XK: variants seen among roughly 807,000 people sequenced by gnomAD.
XK encodes the protein X-linked Kx blood group antigen, Kell and VPS13A binding protein.
A neutral mutation model predicts 14.0 loss-of-function variants in XK; 2 were observed. The observed-to-expected ratio is 0.14, with a 90% CI of 0.06 to 0.45. XK has a LOEUF of 0.45. XK is among the 20% of genes least tolerant of loss of function. XK has a pLI of 0.98. For missense variants in XK, 235 were observed against 341.5 expected (o/e 0.69, Z 2.46); for synonymous variants, 149 against 147.5 (o/e 1.01, Z -0.08).
chrX:37,697,956 G>A (rs557181430), intron 2 of XK, among the ~76,000 whole-genome samples: 2 of 111,912 alleles, frequency 1.8e-5, no homozygotes, highest in South Asian at 3.7e-4. Flanking sequence ...AGTGAATAAC[G>A]GACACTGTGT....
intron 2 of XK, among the ~76,000 whole-genome samples, chrX:37,720,952 G>T (rs1927858496): frequency 1.8e-5 from 2 of 110,996 alleles, no homozygotes; most frequent in South Asian, 3.7e-4. Context: ...CTTTACTATT[G>T]TAAATAGTGC....
intron 2 of XK, among the ~76,000 whole-genome samples, chrX:37,706,238 A>G (rs782791160): frequency 8.9e-6 from 1 of 111,988 alleles, no homozygotes; most frequent in Admixed American, 9.5e-5. Flanking sequence ...GTGACTGAGT[A>G]CATGAATGGT....
At chrX:37,688,051 CTTTCTTTCTTT>C (rs200668493) in intron 1 of XK, among the ~76,000 whole-genome samples, 1,705 of 63,574 alleles carry the variant, frequency 0.027, 37 homozygotes, top group African/African-American at 0.11. Context: ...TTCTTTCTTT[CTTTCTTTCTTT>C]TTTTTTTTTT....
At chrX:37,706,048 G>A (rs1927520833) in intron 2 of XK, among the ~76,000 whole-genome samples, 2 of 110,429 alleles carry the variant, frequency 1.8e-5, no homozygotes, top group Admixed American at 9.7e-5. Context: ...TCTAATATCT[G>A]TCTTTTTATA....
At chrX:37,698,588 TATAGTC>T (rs1242474177) in intron 2 of XK, among the ~76,000 whole-genome samples, 4 of 104,493 alleles carry the variant, frequency 3.8e-5, no homozygotes, top group African/African-American at 1.4e-4. Context: ...AAATTGTACT[TATAGTC>T]AGATAGAGGA....
Position 37,728,214 on chromosome X carries a change from A to G in XK, c.1087A>G (p.Ile363Val). 1.7e-6 allele frequency: 2 copies of G among 1,211,388 alleles called. No individual in the cohort carries two copies. Among genetic ancestry groups the G allele is most frequent in the Non-Finnish European group, 2.2e-6 (2 of 895,366 alleles). Reference protein sequence around the residue: ...LQLLIGYCTAILFMLVFYQFF... With the variant: ...LQLLIGYCTAVLFMLVFYQFF... ...GCTGCTCATTGGGTACTGCACAGCC[A>G]TTCTCTTCATGCTTGTATTCTATCA... The change falls in exon 3 of 3, where the codon ATT (isoleucine) becomes GTT (valine). Residue 363 changes from isoleucine to valine, a missense_variant. Transcript: ENST00000378616.
chrX:37,730,875 A>G lies in XK; in HGVS notation c.*2413A>G, dbSNP rs781888089. 1 of 111,999 alleles carries G rather than the reference A, an allele frequency of 8.9e-6. No individual in the cohort carries two copies. The highest frequency in any genetic ancestry group is 3.7e-4 in the South Asian group (1 of 2,709). The allele number at this position is 111,999 out of a possible 1,213,427, so 9.2% of individuals were successfully genotyped here. On this transcript the variant is annotated 3_prime_UTR_variant, in exon 3 of 3. Transcript: ENST00000378616. ...AACTAACAGTGCTGGTTTGTCCGAC[A>G]CCCAAAGCCCACTTCACACATTTAT... is the stretch of plus-strand genomic sequence containing the variant.
chrX:37,714,922 A>G (rs5963994), intron 2 of XK, among the ~76,000 whole-genome samples: 1,287 of 110,841 alleles, frequency 0.012, 22 homozygotes, highest in African/African-American at 0.041. Flanking sequence ...ACCACCAAAG[A>G]CTTAATGGTT....
At chrX:37,717,139 C>T (rs1556447999) in intron 2 of XK, among the ~76,000 whole-genome samples, 1 of 111,767 alleles carries the variant, frequency 8.9e-6, no homozygotes, top group Admixed American at 9.5e-5. Context: ...GTGGATTCTC[C>T]AGACTCCTTA....
At position 37,686,067 on chromosome X, in the gene XK, T is replaced by C. The variant is rs782374462; in HGVS notation, c.106T>C (p.Trp36Arg). 1 of 1,211,588 alleles carries C rather than the reference T, an allele frequency of 8.3e-7. No homozygotes were observed. The change falls in exon 1 of 3, where the codon TGG becomes CGG. Residue 36 changes from tryptophan to arginine, a missense_variant. Coordinates refer to ENST00000378616, the MANE Select transcript of XK (RefSeq NM_021083.4). ...CTACCGCTCGGGCGGGGACCGCATG[T>C]GGCAGGCGCTGACGTTGCTTTTCTC... Reference protein sequence around the residue: ...STYRSGGDRMWQALTLLFSLL... With the variant: ...STYRSGGDRMRQALTLLFSLL...
intron 2 of XK, among the ~76,000 whole-genome samples, chrX:37,706,759 TC>T (rs1286507054): frequency 9.1e-6 from 1 of 109,408 alleles, no homozygotes; most frequent in African/African-American, 3.3e-5. Context: ...TCTCTGGTTT[TC>T]CTAGGCAGAG....
chrX:37,718,026 C>G (rs192433878), intron 2 of XK, among the ~76,000 whole-genome samples: 3 of 111,412 alleles, frequency 2.7e-5, no homozygotes, highest in Non-Finnish European at 5.7e-5. Context: ...AAACATTTAT[C>G]GAGTGCCTAC....
chrX:37,727,774 G>A lies in XK; in HGVS notation c.647G>A (p.Ser216Asn). The A allele has an allele frequency of 8.3e-7, 1 of 1,211,322 alleles. No homozygotes were observed. The highest frequency in any genetic ancestry group is 1.1e-6 in the Non-Finnish European group (1 of 895,370). ...LAYVCIFLWR[S>N]FEIATRVVVL... ...TATGTCTGTATCTTCCTGTGGAGGA[G>A]CTTTGAGATTGCCACTCGAGTTGTA... Residue 216 changes from serine (S) to asparagine (N), a missense_variant, in exon 3 of 3, where the codon AGC becomes AAC. Ser to Asn is a conservative substitution (Grantham distance 46, BLOSUM62 1). Transcript: ENST00000378616.
chrX:37,721,709 GAGAAA>G (rs1556448990), intron 2 of XK, among the ~76,000 whole-genome samples: 1 of 111,194 alleles, frequency 9.0e-6, no homozygotes, highest in African/African-American at 3.3e-5. Context: ...ATAAACTCAA[GAGAAA>G]AGAAAATATA....
chrX:37,713,955 G>A (rs1315079801), intron 2 of XK, among the ~76,000 whole-genome samples: 2 of 111,911 alleles, frequency 1.8e-5, no homozygotes, highest in Non-Finnish European at 3.8e-5. Context: ...ATCAGAATTA[G>A]AGTTCTGCCT....
chrX:37,698,178 C>T (rs1163093614), intron 2 of XK, among the ~76,000 whole-genome samples: 1 of 111,985 alleles, frequency 8.9e-6, no homozygotes, highest in East Asian at 2.8e-4. Flanking sequence ...CTATTCTACT[C>T]AAGGTGGTAA....
intron 2 of XK, among the ~76,000 whole-genome samples, chrX:37,722,390 A>G (rs1556449144): frequency 9.0e-6 from 1 of 111,695 alleles, no homozygotes; most frequent in Non-Finnish European, 1.9e-5. Flanking sequence ...GGGAAAGATG[A>G]TAATTGATAC....
chrX:37,686,334 G>C (rs1927075892), intron 1 of XK, 128 bp downstream of exon 1: 3 of 1,102,278 alleles, frequency 2.7e-6, no homozygotes, highest in Non-Finnish European at 3.6e-6. Context: ...AAGCCGGTCC[G>C]CCATGCCCCT....
At chrX:37,692,702 G>C (rs1556441647) in intron 1 of XK, among the ~76,000 whole-genome samples, 1 of 112,279 alleles carries the variant, frequency 8.9e-6, no homozygotes, top group African/African-American at 3.2e-5. Flanking sequence ...CCCCCGGCCA[G>C]TTCATTCTGT....
Sources: gnomAD v4.1 joint callset for allele counts (sites outside exome capture counted in the v4.1 genomes callset) on GRCh38, gnomAD v4.1.1 for gene constraint, MANE v1.5 for transcripts, NCBI Gene and HGNC (gene_info 2026-07-23, HGNC 2026-07-21) for gene names.